STXBP5L: variants seen among roughly 807,000 people sequenced by gnomAD.
STXBP5L encodes the protein syntaxin-binding protein 5-like.
In STXBP5L, 65 loss-of-function variants were observed where a neutral mutation model predicts 144.5. The observed-to-expected ratio is 0.45, with a 90% confidence interval of 0.37 to 0.55. STXBP5L has a LOEUF of 0.55. Ranked by LOEUF, STXBP5L falls within the 20% of genes least tolerant of loss-of-function variation. The probability of loss-of-function intolerance (pLI) is 0.00; values close to 1 mark genes in which losing one functional copy is unlikely to be tolerated. For synonymous variants in STXBP5L, 505 were observed against 469.6 expected, an observed-to-expected ratio of 1.08 and a Z score of -0.97; for missense variants, 1,298 against 1,405.5, an observed-to-expected ratio of 0.92 and a Z score of 1.22.
chr3:121,093,966 G>A lies in STXBP5L; in HGVS notation c.471-20959G>A, dbSNP rs574158700. Among the ~76,000 whole-genome samples, 71 of 152,152 alleles carry A rather than the reference G, an allele frequency of 4.7e-4. 1 individual carries two copies. The highest frequency in any genetic ancestry group is 3.4e-3 in the Middle Eastern group (1 of 294). ...AAATGTGTCCCGGAGATTCTGGTAC[G>A]TTGTGTCTTTGTTCTCGTTGGTTTC... On this transcript the variant is annotated intron_variant, in intron 5 of 26. Coordinates refer to ENST00000471454, the MANE Select transcript of STXBP5L (RefSeq NM_001308330.2).
intron 2 of STXBP5L, among the ~76,000 whole-genome samples, chr3:120,941,595 A>G (rs1576454705): frequency 6.6e-6 from 1 of 151,920 alleles, no homozygotes; most frequent in African/African-American, 2.4e-5. Flanking sequence ...ATTCTAGATA[A>G]GGAATTTATT....
At chr3:121,204,943 T>C (rs1227267688) in intron 9 of STXBP5L, among the ~76,000 whole-genome samples, 5 of 152,334 alleles carry the variant, frequency 3.3e-5, no homozygotes, top group East Asian at 1.9e-4. Flanking sequence ...ATTTTTGTTT[T>C]ATGCAAAATG....
chr3:121,233,508 T>G, intron 11 of STXBP5L, 108 bp from the exon 12 acceptor site: 1 of 740,082 alleles, frequency 1.4e-6, no homozygotes, highest in South Asian at 2.8e-5. Context: ...AGTTTGGTCT[T>G]CTCACATCAT....
At chr3:121,334,541 A>G (rs566559755) in intron 20 of STXBP5L, among the ~76,000 whole-genome samples, 4 of 151,758 alleles carry the variant, frequency 2.6e-5, no homozygotes, top group Non-Finnish European at 4.4e-5. Context: ...ACAAAAAAAA[A>G]AGAAAACTTT....
At chr3:120,953,729 G>T (rs1937707414) in intron 2 of STXBP5L, among the ~76,000 whole-genome samples, 1 of 151,966 alleles carries the variant, frequency 6.6e-6, no homozygotes, top group Non-Finnish European at 1.5e-5. Flanking sequence ...TCTTAGGATT[G>T]CATTTATACA....
chr3:121,023,958 C>A (rs1300283872), intron 3 of STXBP5L, among the ~76,000 whole-genome samples: 1 of 152,050 alleles, frequency 6.6e-6, no homozygotes, highest in Admixed American at 6.6e-5. Context: ...TGGAGTTTCA[C>A]CGTGTTAGCC....
At position 121,423,626 on chromosome 3, in the gene STXBP5L, A is replaced by G. The variant is rs2047399767; in HGVS notation, c.*4529A>G. 2 of 152,208 alleles carry G rather than the reference A, an allele frequency of 1.3e-5. No individual in the cohort carries two copies. Among genetic ancestry groups the G allele is most frequent in the Non-Finnish European group, 2.9e-5 (2 of 68,040 alleles). 9.4% of individuals were successfully genotyped at this position (152,208 alleles called of 1,614,324 possible). On this transcript the variant is annotated 3_prime_UTR_variant, in exon 27 of 27. Coordinates refer to ENST00000471454, the MANE Select transcript of STXBP5L (RefSeq NM_001308330.2). ...AAGAATCACCTCAGGAAATTTTTAA[A>G]TTCCCAATTATATTAAAATCATTTG...
chr3:121,018,750 A>G (rs1945324063), intron 3 of STXBP5L, among the ~76,000 whole-genome samples: 1 of 152,230 alleles, frequency 6.6e-6, no homozygotes, highest in Non-Finnish European at 1.5e-5. Context: ...AATGGCAGAT[A>G]GGAGGCGGAA....
chr3:121,322,118 T>A (rs1175436185), intron 20 of STXBP5L, among the ~76,000 whole-genome samples: 1 of 152,174 alleles, frequency 6.6e-6, no homozygotes, highest in African/African-American at 2.4e-5. Context: ...GTATCTGGTT[T>A]TCAGTTCCTG....
intron 20 of STXBP5L, among the ~76,000 whole-genome samples, chr3:121,321,544 C>T (rs1053069897): frequency 1.3e-5 from 2 of 152,186 alleles, no homozygotes; most frequent in Non-Finnish European, 2.9e-5. Context: ...GTAGGAATTG[C>T]TGCATTCTGA....
chr3:121,394,798 G>T (rs1010688494), intron 22 of STXBP5L, among the ~76,000 whole-genome samples: 2 of 151,568 alleles, frequency 1.3e-5, no homozygotes, highest in Non-Finnish European at 2.9e-5. Flanking sequence ...GTAGAGACAG[G>T]GTTTCACATG....
chr3:120,978,464 T>G (rs1049311724), intron 3 of STXBP5L, among the ~76,000 whole-genome samples: 20 of 152,274 alleles, frequency 1.3e-4, no homozygotes, highest in Middle Eastern at 3.4e-3. Context: ...TTTTCAAGGT[T>G]TTTAACTTCT....
chr3:121,423,153 A>C lies in STXBP5L; in HGVS notation c.*4056A>C, dbSNP rs1023640999. ...ACACAGGGCAATGCAAAAGAAGTCAAAACATTCATATCAGGTCTTGGTATC... is the reference window on the plus strand; with the variant it reads ...ACACAGGGCAATGCAAAAGAAGTCACAACATTCATATCAGGTCTTGGTATC... On this transcript the variant is annotated 3_prime_UTR_variant, in exon 27 of 27. Coordinates refer to ENST00000471454, the MANE Select transcript of STXBP5L (RefSeq NM_001308330.2). 2 of 152,194 alleles carry C rather than the reference A, an allele frequency of 1.3e-5. No individual in the cohort carries two copies. Among genetic ancestry groups the C allele is most frequent in the Admixed American group, 6.5e-5 (1 of 15,268 alleles). 9.4% of individuals were successfully genotyped at this position (152,194 alleles called of 1,614,324 possible).
intron 18 of STXBP5L, among the ~76,000 whole-genome samples, chr3:121,275,740 A>G (rs539012063): frequency 2.6e-5 from 4 of 152,248 alleles, no homozygotes; most frequent in African/African-American, 4.8e-5. Context: ...TAGGATTGCT[A>G]TATCTTCTTA....
At chr3:121,414,240 A>G (rs141893500) in intron 24 of STXBP5L, among the ~76,000 whole-genome samples, 53 of 152,250 alleles carry the variant, frequency 3.5e-4, no homozygotes, top group African/African-American at 1.2e-3. Flanking sequence ...GCTAGTGTGG[A>G]GAGACAGAAG....
At chr3:121,257,125 G>A (rs370605249) in intron 16 of STXBP5L, 36 bp from the exon 17 acceptor site, 14 of 1,462,842 alleles carry the variant, frequency 9.6e-6, no homozygotes, top group Non-Finnish European at 1.9e-6. Flanking sequence ...GATTATTAGT[G>A]TGACTTAAAT....
At chr3:121,084,506 C>T (rs561335300) in intron 5 of STXBP5L, among the ~76,000 whole-genome samples, 6 of 152,098 alleles carry the variant, frequency 3.9e-5, no homozygotes, top group Non-Finnish European at 7.4e-5. Context: ...TGGCTTCGAG[C>T]TCCATCCATG....
intron 22 of STXBP5L, among the ~76,000 whole-genome samples, chr3:121,401,419 A>G (rs573203778): frequency 6.7e-6 from 1 of 149,800 alleles, no homozygotes. Context: ...ACTATAAATC[A>G]TGCTGCTATA....
At chr3:121,069,890 A>G (rs1385429073) in intron 5 of STXBP5L, among the ~76,000 whole-genome samples, 1 of 151,172 alleles carries the variant, frequency 6.6e-6, no homozygotes, top group African/African-American at 2.4e-5. Flanking sequence ...TTTTGTCGAA[A>G]CTCCGTCGGA....
Sources: allele counts gnomAD v4.1 joint callset (sites outside exome capture counted in the v4.1 genomes callset), GRCh38; gene constraint gnomAD v4.1.1; transcripts MANE v1.5; gene names NCBI Gene and HGNC (gene_info 2026-07-23, HGNC 2026-07-21).